PKD1: variants seen among roughly 807,000 people sequenced by gnomAD.
The protein encoded by PKD1 is polycystin-1.
In PKD1, 81 loss-of-function variants were observed where a neutral mutation model predicts 361.7. That is an observed-to-expected ratio of 0.22 (90% CI 0.19 to 0.27). The LOEUF (loss-of-function observed/expected upper bound fraction) is 0.27. Among genes scored for constraint, PKD1 ranks in the 10% least tolerant of loss-of-function variants. The pLI, the probability that PKD1 is intolerant of heterozygous loss-of-function variation, is 1.00. For missense variants in PKD1, 6,399 were observed against 6,118.3 expected (o/e 1.05, Z -1.53); for synonymous variants, 3,615 against 2,818.3 (o/e 1.28, Z -8.95).
chr16:2,126,887 C>A (rs1042297494), intron 1 of PKD1, among the ~76,000 whole-genome samples: 5 of 152,182 alleles, frequency 3.3e-5, no homozygotes, highest in African/African-American at 1.2e-4. Flanking sequence ...CCTAGGGGAC[C>A]CAGGGAGGGG....
chr16:2,115,519 G>A lies in PKD1; in HGVS notation c.1956C>T (p.Ile652=), dbSNP rs751621189. 9 of 1,597,874 alleles carry A rather than the reference G, an allele frequency of 5.6e-6. No homozygotes were observed. Among genetic ancestry groups the A allele is most frequent in the Non-Finnish European group, 7.7e-6 (9 of 1,172,784 alleles). ...GGCAGGAGGCGTCCAGCGGCAAGCA[G>A]ATGTTGGCTCCAGGGCACCAGCGTC... ...PGGRWCPGAN[I]CLPLDASCHP... The change falls in exon 10 of 46, where the codon ATC becomes ATT. Residue 652 remains isoleucine (I), a synonymous_variant. Coordinates refer to ENST00000262304, the MANE Select transcript of PKD1 (RefSeq NM_001009944.3).
chr16:2,120,080 T>C, intron 1 of PKD1: 2 of 575,280 alleles, frequency 3.5e-6, no homozygotes, highest in South Asian at 2.1e-5. Flanking sequence ...CATGGCGGCA[T>C]GCGCCTGGGG....
In PKD1 at chr16:2,088,881, G is replaced by GCGCGCGCACACACACACACACACACACA. The variant is rs142285430; in HGVS notation, c.*845_*846insTGTGTGTGTGTGTGTGTGTGTGCGCGCG. The GCGCGCGCACACACACACACACACACACA allele has an allele frequency of 7.1e-6, 3 of 421,378 alleles. No individual in the cohort carries two copies. Among genetic ancestry groups the GCGCGCGCACACACACACACACACACACA allele is most frequent in the African/African-American group, 6.7e-5 (3 of 44,578 alleles). The allele number at this position is 421,378 out of a possible 1,614,324, so 26.1% of individuals were successfully genotyped here. On this transcript the variant is annotated 3_prime_UTR_variant, in exon 46 of 46. Coordinates refer to ENST00000262304, the MANE Select transcript of PKD1 (RefSeq NM_001009944.3). ...ACAGCACACTCGCGCGTGCGCGCGC[G>GCGCGCGCACACACACACACACACACACA]CACACACACACACACACAGTCACCT... is the stretch of plus-strand genomic sequence containing the variant.
At chr16:2,092,003 C>CCCTTGT in intron 40 of PKD1, 44 bp downstream of exon 40, 1 of 1,612,606 alleles carries the variant, frequency 6.2e-7, no homozygotes, top group Non-Finnish European at 8.5e-7. Flanking sequence ...GAGAACTACT[C>CCCTTGT]CCTTGTCCTT....
At chr16:2,093,404 C>A in intron 37 of PKD1, 140 bp downstream of exon 37, 1 of 852,308 alleles carries the variant, frequency 1.2e-6, no homozygotes, top group Non-Finnish European at 1.8e-6. Context: ...GGAGGGAGAC[C>A]GGGCAAAGGC....
intron 43 of PKD1, 26 bp from the exon 44 acceptor site, chr16:2,090,834 G>T (rs368458143): frequency 4.2e-5 from 67 of 1,611,286 alleles, no homozygotes; most frequent in Non-Finnish European, 5.1e-5. Flanking sequence ...CTGTCTGCTT[G>T]CAGCCCTGGG....
intron 1 of PKD1, among the ~76,000 whole-genome samples, chr16:2,129,162 GTT>G (rs773049623): frequency 1.5e-4 from 20 of 132,458 alleles, no homozygotes; most frequent in East Asian, 2.2e-4. Flanking sequence ...CGCCCACCCT[GTT>G]TTTTTTTTTT....
chr16:2,127,888 C>T (rs891255851), intron 1 of PKD1, among the ~76,000 whole-genome samples: 1 of 138,714 alleles, frequency 7.2e-6, no homozygotes, highest in African/African-American at 2.7e-5. Flanking sequence ...AGAAGGGACA[C>T]AGCAGGGATG....
rs774485992 is a variant in PKD1 at position 2,097,740 on chromosome 16, T to C, written c.10208A>G (p.Asp3403Gly). The change falls in exon 32 of 46, where the codon GAT (aspartate) becomes GGT (glycine). Residue 3403 changes from aspartate to glycine, a missense_variant. Coordinates refer to ENST00000262304, the MANE Select transcript of PKD1 (RefSeq NM_001009944.3). ...VGQMKSDLFL[D>G]DSKSLVCWPS... ...CTAGGGAACCCACCTCTTAGAATCA[T>C]CCAGAAACAAGTCACTCTTCATCTG... 3.7e-6 allele frequency: 6 copies of C among 1,611,008 alleles called. No individual in the cohort carries two copies. The African/African-American group carries it at 8.0e-5, about 22-fold the overall frequency.
In PKD1 at chr16:2,090,776, C is replaced by A. The variant is rs1218054241; in HGVS notation, c.12036G>T (p.Trp4012Cys). 1.2e-6 allele frequency: 2 copies of A among 1,612,622 alleles called. No homozygotes were observed. Among genetic ancestry groups the A allele is most frequent in the South Asian group, 2.2e-5 (2 of 91,092 alleles). The change falls in exon 44 of 46, where the codon TGG becomes TGT. Residue 4012 changes from tryptophan to cysteine, a missense_variant. Coordinates refer to ENST00000262304, the MANE Select transcript of PKD1 (RefSeq NM_001009944.3). ...GGCATAATGTCTTGCCAAAGACGGA[C>A]CACTGGCGCACGAAGCGTAGCTGCT... ...AAQQLRFVRQ[W>C]SVFGKTLCRA...
At chr16:2,126,883 G>A (rs1183413317) in intron 1 of PKD1, among the ~76,000 whole-genome samples, 1 of 152,160 alleles carries the variant, frequency 6.6e-6, no homozygotes, top group Non-Finnish European at 1.5e-5. Context: ...ATACCCTAGG[G>A]GACCCAGGGA....
Position 2,103,653 on chromosome 16 carries a change from G to T in PKD1, c.8404C>A (p.Pro2802Thr), listed in dbSNP as rs2092199318. ...SLLCYGGAPG[P>T]GCHFSIPEAF... Reference sequence around the variant, plus strand: ...TCGGGGATGGAGAAGTGGCAGCCAGGCCCTGGGGCGCCGCCATAGCACAGC... The same window carrying T: ...TCGGGGATGGAGAAGTGGCAGCCAGTCCCTGGGGCGCCGCCATAGCACAGC... The change falls in exon 23 of 46, where the codon CCT (proline) becomes ACT (threonine). Residue 2802 changes from proline (P) to threonine (T), a missense_variant. Transcript: ENST00000262304. The T allele has an allele frequency of 6.2e-7, 1 of 1,610,200 alleles. No homozygotes were observed. Among genetic ancestry groups the T allele is most frequent in the South Asian group, 1.1e-5 (1 of 91,000 alleles).
At chr16:2,113,628 A>T in intron 11 of PKD1, 1 of 426,346 alleles carries the variant, frequency 2.3e-6, no homozygotes, top group South Asian at 2.3e-5. Context: ...TCACCCAGAG[A>T]GCTCGGAGCA....
In PKD1 at chr16:2,104,475, G is replaced by A. The variant is rs372296057; in HGVS notation, c.8161+23C>T. 3.8e-5 allele frequency: 56 copies of A among 1,487,302 alleles called. 1 individual carries two copies. The highest frequency in any genetic ancestry group is 4.7e-5 in the Non-Finnish European group (52 of 1,103,340). The allele number at this position is 1,487,302 out of a possible 1,614,324, so 92.1% of individuals were successfully genotyped here. A position where few individuals can be genotyped will look rare whatever the true frequency, so the allele number is the denominator to read the frequency against. On this transcript the variant is annotated intron_variant, in intron 22 of 45. Transcript: ENST00000262304. ...AAGGGCCGCACGGGGCGGGCGGGTG[G>A]CATGGGGCACGGGCCGCGGCACCTG...
chr16:2,089,999 G>A lies in PKD1; in HGVS notation c.12640C>T (p.Arg4214Cys), dbSNP rs569380424. The change falls in exon 46 of 46, where the codon CGC becomes TGC. Residue 4214 changes from arginine (R) to cysteine (C), a missense_variant. Arg to Cys is a radical substitution (Grantham distance 180). Transcript: ENST00000262304. ...LGTRCEPEPSRLQAVFEALLT... is the reference protein window; with the variant it reads ...LGTRCEPEPSCLQAVFEALLT... ...AGGGCCTCGAACACGGCTTGGAGGC[G>A]GGAGGGCTCAGGCTCACACCTTGTC... The A allele has an allele frequency of 1.2e-5, 19 of 1,610,334 alleles. No individual in the cohort carries two copies. Among genetic ancestry groups the A allele is most frequent in the South Asian group, 5.5e-5 (5 of 90,792 alleles).
rs559796704 is a variant in PKD1 at position 2,095,493 on chromosome 16, G to A, written c.10500-1283C>T. 2.6e-5 allele frequency: 4 copies of A among 152,390 alleles called. No homozygotes were observed. The South Asian group carries it at 8.3e-4, about 32-fold the overall frequency. The allele number at this position is 152,390 out of a possible 1,614,324, so 9.4% of individuals were successfully genotyped here. A position where few individuals can be genotyped will look rare whatever the true frequency, so the allele number is the denominator to read the frequency against. On this transcript the variant is annotated intron_variant, in intron 34 of 45. Coordinates refer to ENST00000262304, the MANE Select transcript of PKD1 (RefSeq NM_001009944.3). ...AATGACTCAGGGTCTGACTCAGGGAGCAGGCTCTCGCTGGCAGAGACGGAG... is the reference window on the plus strand; with the variant it reads ...AATGACTCAGGGTCTGACTCAGGGAACAGGCTCTCGCTGGCAGAGACGGAG...
intron 1 of PKD1, chr16:2,123,594 C>T (rs1392728031): frequency 1.3e-5 from 6 of 450,018 alleles, no homozygotes; most frequent in African/African-American, 8.0e-5. Flanking sequence ...CCTCTGCACC[C>T]GCCAGGTGAC....
rs1441226261 is a variant in PKD1 at position 2,096,820 on chromosome 16, A to C, written c.10499+328T>G. 4 of 398,844 alleles carry C rather than the reference A, an allele frequency of 1.0e-5. No individual in the cohort carries two copies. The East Asian group carries it at 2.0e-4, about 20-fold the overall frequency. The allele number at this position is 398,844 out of a possible 1,614,324, so 24.7% of individuals were successfully genotyped here. On this transcript the variant is annotated intron_variant, in intron 34 of 45. Coordinates refer to ENST00000262304, the MANE Select transcript of PKD1 (RefSeq NM_001009944.3). ...GTGTGAGCCACCGCGCCCGGCCAAAAATGGGGTATTTAAAAACCCGCCCAT... is the reference window on the plus strand; with the variant it reads ...GTGTGAGCCACCGCGCCCGGCCAAACATGGGGTATTTAAAAACCCGCCCAT...
At position 2,091,117 on chromosome 16, in the gene PKD1, T is replaced by A; in HGVS notation, c.11770A>T (p.Arg3924Trp). The A allele has an allele frequency of 6.7e-7, 1 of 1,491,966 alleles. No homozygotes were observed. Among genetic ancestry groups the A allele is most frequent in the South Asian group, 1.2e-5 (1 of 80,966 alleles). 92.4% of individuals were successfully genotyped at this position (1,491,966 alleles called of 1,614,324 possible). The change falls in exon 43 of 46, where the codon AGG becomes TGG. Residue 3924 changes from arginine to tryptophan, a missense_variant. Coordinates refer to ENST00000262304, the MANE Select transcript of PKD1 (RefSeq NM_001009944.3). ...FAVAEARTWH[R>W]EGRWRVLRLG... Reference sequence around the variant, plus strand: ...CGCAGCACGCGCCAGCGCCCTTCCCTGTGCCAAGTACGGGCCTCGGCCACG... The same window carrying A: ...CGCAGCACGCGCCAGCGCCCTTCCCAGTGCCAAGTACGGGCCTCGGCCACG...
Sources: gnomAD v4.1 joint callset for allele counts (sites outside exome capture counted in the v4.1 genomes callset) on GRCh38, gnomAD v4.1.1 for gene constraint, MANE v1.5 for transcripts, NCBI Gene and HGNC (gene_info 2026-07-23, HGNC 2026-07-21) for gene names.